FAM184A: variants seen among roughly 807,000 people sequenced by gnomAD.
The protein encoded by FAM184A is protein FAM184A.
A neutral mutation model predicts 143.8 loss-of-function variants in FAM184A; 99 were observed. The ratio of observed to expected loss-of-function variants is 0.69; its 90% confidence interval spans 0.58 to 0.81. The LOEUF is 0.81. FAM184A is among the 40% of genes least tolerant of loss of function. The pLI, the probability that FAM184A is intolerant of heterozygous loss-of-function variation, is 0.00. For missense variants in FAM184A, 1,217 were observed against 1,310.5 expected (o/e 0.93, Z 1.10); for synonymous variants, 427 against 446.4 (o/e 0.96, Z 0.55).
chr6:119,125,088 G>C (rs1041696916), intron 1 of FAM184A, among the ~76,000 whole-genome samples: 1 of 152,148 alleles, frequency 6.6e-6, no homozygotes, highest in African/African-American at 2.4e-5. Context: ...GTTGTAGCTT[G>C]ATATTCAGGC....
chr6:119,088,076 G>C (rs1788273509), intron 1 of FAM184A, among the ~76,000 whole-genome samples: 1 of 152,138 alleles, frequency 6.6e-6, no homozygotes, highest in Non-Finnish European at 1.5e-5. Flanking sequence ...TGGTTTCCAG[G>C]GGCTAGAAGG....
intron 1 of FAM184A, among the ~76,000 whole-genome samples, chr6:119,125,416 T>C (rs630954): frequency 0.91 from 138,958 of 152,226 alleles, 63,486 homozygotes; most frequent in East Asian, 1. Flanking sequence ...GCTGGGACTA[T>C]AGGTCGGGAC....
At chr6:118,970,853 G>A (rs151048288) in intron 14 of FAM184A, among the ~76,000 whole-genome samples, 64 of 152,292 alleles carry the variant, frequency 4.2e-4, no homozygotes, top group African/African-American at 1.5e-3. Context: ...ACAGGTCAAT[G>A]TCTGTGATTC....
intron 1 of FAM184A, among the ~76,000 whole-genome samples, chr6:119,049,083 C>T (rs1486517789): frequency 2.0e-5 from 3 of 152,274 alleles, no homozygotes; most frequent in East Asian, 3.9e-4. Flanking sequence ...AAAGCTGGAT[C>T]CATCACATTA....
At chr6:119,036,406 A>C (rs532780394) in intron 1 of FAM184A, among the ~76,000 whole-genome samples, 16 of 152,288 alleles carry the variant, frequency 1.1e-4, no homozygotes, top group African/African-American at 3.9e-4. Flanking sequence ...AGAACTTTAA[A>C]ATCCAATTGC....
chr6:119,034,035 T>C (rs1380711107), intron 1 of FAM184A, among the ~76,000 whole-genome samples: 2 of 34,260 alleles, frequency 5.8e-5, no homozygotes, highest in South Asian at 2.4e-3. Flanking sequence ...TATATATATA[T>C]ATATATAGAG....
At chr6:119,002,876 A>G in intron 9 of FAM184A, 23 bp downstream of exon 9, 2 of 1,588,854 alleles carry the variant, frequency 1.3e-6, no homozygotes, top group Non-Finnish European at 1.7e-6. Context: ...ATGAAACTTC[A>G]TCATGTACAC....
intron 1 of FAM184A, among the ~76,000 whole-genome samples, chr6:119,050,630 C>T (rs999619983): frequency 6.6e-6 from 1 of 151,862 alleles, no homozygotes; most frequent in Admixed American, 6.6e-5. Flanking sequence ...CAAGGTGAAA[C>T]CCCGTCTCTA....
intron 15 of FAM184A, 131 bp downstream of exon 15, chr6:118,966,704 C>CT (rs1393184089): frequency 1.6e-5 from 7 of 433,388 alleles, no homozygotes; most frequent in African/African-American, 4.1e-5. Context: ...TTTCAATGAA[C>CT]TTTCAATCAC....
At chr6:119,041,140 A>C (rs1276725947) in intron 1 of FAM184A, among the ~76,000 whole-genome samples, 2 of 152,200 alleles carry the variant, frequency 1.3e-5, no homozygotes, top group Non-Finnish European at 2.9e-5. Context: ...CTAAGAAAAG[A>C]CATGATCATT....
At chr6:119,143,832 G>A (rs761402911) in intron 1 of FAM184A, among the ~76,000 whole-genome samples, 8 of 152,164 alleles carry the variant, frequency 5.3e-5, no homozygotes, top group Non-Finnish European at 8.8e-5. Flanking sequence ...AAAGAGTACT[G>A]GAGATTGGTT....
chr6:119,006,677 T>C, intron 6 of FAM184A, 69 bp from the exon 7 acceptor site: 1 of 1,235,974 alleles, frequency 8.1e-7, no homozygotes, highest in Non-Finnish European at 1.1e-6. Flanking sequence ...TTACAATTTC[T>C]TCCTAAAGTT....
intron 5 of FAM184A, among the ~76,000 whole-genome samples, chr6:119,015,888 A>C (rs1457956284): frequency 2.0e-5 from 3 of 152,218 alleles, no homozygotes; most frequent in Non-Finnish European, 4.4e-5. Flanking sequence ...TGAGTGCACC[A>C]ATCGACACTC....
At position 118,966,710 on chromosome 6, in the gene FAM184A, A is replaced by G. The variant is rs531695868; in HGVS notation, c.3033+125T>C. On this transcript the variant is annotated intron_variant, in intron 15 of 17. Transcript: ENST00000338891. ...TCATAAACATTTCAATGAACTTTCA[A>G]TCACAATGCACATGTTCTGTGTTTT... 13 of 442,354 alleles carry G rather than the reference A, an allele frequency of 2.9e-5. No homozygotes were observed. In the East Asian group the frequency reaches 3.1e-4, roughly 10 times the overall value. The allele number at this position is 442,354 out of a possible 1,614,324, so 27.4% of individuals were successfully genotyped here. A position where few individuals can be genotyped will look rare whatever the true frequency, so the allele number is the denominator to read the frequency against.
At chr6:118,999,622 A>T (rs541831407) in intron 9 of FAM184A, among the ~76,000 whole-genome samples, 2 of 152,258 alleles carry the variant, frequency 1.3e-5, no homozygotes, top group South Asian at 4.1e-4. Context: ...CCTCAATGAA[A>T]CCTTCCCCAA....
chr6:119,089,641 G>A (rs759413484), intron 1 of FAM184A, among the ~76,000 whole-genome samples: 2 of 152,056 alleles, frequency 1.3e-5, no homozygotes, highest in East Asian at 1.9e-4. Context: ...TGTTGTATTT[G>A]TATGGATATA....
chr6:119,125,139 T>C (rs1789323634), intron 1 of FAM184A, among the ~76,000 whole-genome samples: 1 of 152,250 alleles, frequency 6.6e-6, no homozygotes, highest in Non-Finnish European at 1.5e-5. Flanking sequence ...ATTAATAGTT[T>C]TTTAGAATAA....
intron 13 of FAM184A, 113 bp downstream of exon 13, chr6:118,974,911 A>G (rs769991209): frequency 9.1e-6 from 7 of 767,592 alleles, no homozygotes; most frequent in African/African-American, 1.8e-5. Flanking sequence ...GAGGTCTTCA[A>G]TATTTTACTA....
upstream of FAM184A, among the ~76,000 whole-genome samples, chr6:119,083,646 G>A (rs1025038214): frequency 6.6e-6 from 1 of 152,178 alleles, no homozygotes; most frequent in Non-Finnish European, 1.5e-5. Flanking sequence ...ACCATAGCAA[G>A]AGCGACCTTT....
Sources: gnomAD v4.1 joint callset for allele counts (sites outside exome capture counted in the v4.1 genomes callset) on GRCh38, gnomAD v4.1.1 for gene constraint, MANE v1.5 for transcripts, NCBI Gene and HGNC (gene_info 2026-07-23, HGNC 2026-07-21) for gene names.